ITPR3: variants seen among roughly 807,000 people sequenced by gnomAD.
The protein encoded by ITPR3 is inositol 1,4,5-trisphosphate receptor type 3, also known as inositol 1,4,5-trisphosphate-gated calcium channel ITPR3.
In ITPR3, 173 loss-of-function variants were observed where a neutral mutation model predicts 293.2. That is an observed-to-expected ratio of 0.59 (90% CI 0.52 to 0.67). The LOEUF (loss-of-function observed/expected upper bound fraction) is 0.67, where lower values mean the gene tolerates loss of function less well. ITPR3 is among the 30% of genes least tolerant of loss of function. The pLI is 0.00. For synonymous variants in ITPR3, 1,295 were observed against 1,444.4 expected (o/e 0.90, Z 2.35); for missense variants, 2,796 against 3,592.1 (o/e 0.78, Z 5.66).
In ITPR3 at chr6:33,621,548, T is replaced by C. The variant is rs533261572; in HGVS notation, c.-55T>C. The C allele has an allele frequency of 2.7e-3, 3,674 of 1,367,840 alleles. 9 individuals carry two copies. Among genetic ancestry groups the C allele is most frequent in the Middle Eastern group, 8.5e-3 (48 of 5,630 alleles). The allele number at this position is 1,367,840 out of a possible 1,614,324, so 84.7% of individuals were successfully genotyped here. A position where few individuals can be genotyped will look rare whatever the true frequency, so the allele number is the denominator to read the frequency against. On this transcript the variant is annotated 5_prime_UTR_variant, in exon 1 of 58. Coordinates refer to ENST00000605930, the MANE Select transcript of ITPR3 (RefSeq NM_002224.4). This position sits in a 1 kb window ranked among gnomAD's most constrained non-coding sequence, Gnocchi z 7.7. ...GACGCCTCAGTCCTCCGCACTGAGCTTGGCCACGCGCCCCTAGGCGCCCCC... is the reference window on the plus strand; with the variant it reads ...GACGCCTCAGTCCTCCGCACTGAGCCTGGCCACGCGCCCCTAGGCGCCCCC...
chr6:33,648,520 T>C lies in ITPR3; in HGVS notation c.161-7246T>C, dbSNP rs534332304. Among the ~76,000 whole-genome samples the C allele has an allele frequency of 4.0e-5, 6 of 148,174 alleles. No individual in the cohort carries two copies. The Admixed American group carries it at 4.2e-4, about 10-fold the overall frequency. ...TTCTCTAGGGTCACCTTTATAAACC[T>C]GAGAGTCTCAGTTACCCTTTTTTTT... On this transcript the variant is annotated intron_variant, in intron 2 of 57. Coordinates refer to ENST00000605930, the MANE Select transcript of ITPR3 (RefSeq NM_002224.4).
intron 2 of ITPR3, among the ~76,000 whole-genome samples, chr6:33,644,695 G>A (rs910772650): frequency 3.0e-5 from 4 of 133,762 alleles, no homozygotes; most frequent in East Asian, 2.2e-4. Context: ...ACAGAGTCTC[G>A]CTCTGTTGCC....
At chr6:33,673,007 G>A (rs746352205) in intron 22 of ITPR3, among the ~76,000 whole-genome samples, 2 of 152,174 alleles carry the variant, frequency 1.3e-5, no homozygotes, top group Non-Finnish European at 2.9e-5. Context: ...CGGTCAGAGT[G>A]GAGGGAGCTT....
In ITPR3 at chr6:33,638,796, A is replaced by T. The variant is rs1763881932; in HGVS notation, c.90-1688A>T. ...ACACAGCAAGTCAAGAAGTGGGGAG[A>T]GACACTGCCAGGACCAGGTGCCGGA... On this transcript the variant is annotated intron_variant, in intron 1 of 57. Transcript: ENST00000605930. This position sits in a 1 kb window ranked among gnomAD's most constrained non-coding sequence, Gnocchi z 4.3. 6.6e-6 allele frequency among the ~76,000 whole-genome samples: 1 copy of T among 152,234 alleles called. No homozygotes were observed. The highest frequency in any genetic ancestry group is 2.4e-5 in the African/African-American group (1 of 41,464).
At position 33,670,691 on chromosome 6, in the gene ITPR3, C is replaced by T. The variant is rs373736564; in HGVS notation, c.2462C>T (p.Ala821Val). The change falls in exon 20 of 58, where the codon GCG (alanine) becomes GTG (valine). Residue 821 changes from alanine (A) to valine (V), a missense_variant. Physicochemically the swap from Ala to Val is moderately conservative, Grantham distance 64. Transcript: ENST00000605930. This position sits in a 1 kb window ranked among gnomAD's most constrained non-coding sequence, Gnocchi z 6.7. The part of the protein sequence containing the change: ...TIKDYDSNLN[A>V]SRDDKKNKFA... ...CTCAGCTATGATTCCAACCTCAACG[C>T]GTCCCGAGATGACAAGAAGAACAAG... The T allele has an allele frequency of 6.8e-6, 11 of 1,614,008 alleles. No individual in the cohort carries two copies. The highest frequency in any genetic ancestry group is 1.3e-5 in the African/African-American group (1 of 74,898).
At chr6:33,668,112 T>C in intron 16 of ITPR3, 148 bp downstream of exon 16, 1 of 886,710 alleles carries the variant, frequency 1.1e-6, no homozygotes, top group Non-Finnish European at 1.7e-6. Flanking sequence ...TGGGAGGCCC[T>C]AGCCTCCCTA....
At position 33,687,415 on chromosome 6, in the gene ITPR3, GC is replaced by G. The variant is rs968325265; in HGVS notation, c.6178-57del. 2 of 1,519,618 alleles carry G rather than the reference GC, an allele frequency of 1.3e-6. No individual in the cohort carries two copies. Among genetic ancestry groups the G allele is most frequent in the Admixed American group, 1.9e-5 (1 of 53,126 alleles). The allele number at this position is 1,519,618 out of a possible 1,614,324, so 94.1% of individuals were successfully genotyped here. On this transcript the variant is annotated intron_variant, in intron 45 of 57. Coordinates refer to ENST00000605930, the MANE Select transcript of ITPR3 (RefSeq NM_002224.4). The surrounding 1 kb of genome is among the most constrained non-coding windows in gnomAD (Gnocchi z 5.3). ...CCATCATCCCCCAGTCGCCATTGTC[GC>G]CCCCCAGCCACCATGTCCCCCAGCC... is the stretch of plus-strand genomic sequence containing the variant.
rs964271665 is a variant in ITPR3 at position 33,670,979 on chromosome 6, G to A, written c.2586+164G>A. 1 of 787,318 alleles carries A rather than the reference G, an allele frequency of 1.3e-6. No homozygotes were observed. The highest frequency in any genetic ancestry group is 1.9e-5 in the African/African-American group (1 of 53,306). 48.8% of individuals were successfully genotyped at this position (787,318 alleles called of 1,614,324 possible). ...CGCATAGAAGGCTGGGATTCTCCAA[G>A]AGGCAGGCTCCTGTTCCAATGCCTG... is the stretch of plus-strand genomic sequence containing the variant. On this transcript the variant is annotated intron_variant, in intron 20 of 57. Coordinates refer to ENST00000605930, the MANE Select transcript of ITPR3 (RefSeq NM_002224.4). This position sits in a 1 kb window ranked among gnomAD's most constrained non-coding sequence, Gnocchi z 6.7.
At position 33,692,659 on chromosome 6, in the gene ITPR3, C is replaced by G. The variant is rs537711898; in HGVS notation, c.7459-69C>G. The G allele has an allele frequency of 6.6e-6, 10 of 1,512,336 alleles. No individual in the cohort carries two copies. Among genetic ancestry groups the G allele is most frequent in the Middle Eastern group, 1.9e-4 (1 of 5,190 alleles). The allele number at this position is 1,512,336 out of a possible 1,614,324, so 93.7% of individuals were successfully genotyped here. A position where few individuals can be genotyped will look rare whatever the true frequency, so the allele number is the denominator to read the frequency against. On this transcript the variant is annotated intron_variant, in intron 54 of 57. Coordinates refer to ENST00000605930, the MANE Select transcript of ITPR3 (RefSeq NM_002224.4). This position sits in a 1 kb window ranked among gnomAD's most constrained non-coding sequence, Gnocchi z 4.2. ...TCAATATCACAGCCCTGGCCCCAAC[C>G]TGAGTCCTATCTTGCCCCAGTGAAT...
Position 33,687,683 on chromosome 6 carries a change from T to A in ITPR3, c.6264+119T>A. ...CTAGAATATGAGCCAGGCTAGAATT[T>A]GGGGGTACAGCTCAGGGGGCTGATT... is the stretch of plus-strand genomic sequence containing the variant. On this transcript the variant is annotated intron_variant, in intron 46 of 57. Coordinates refer to ENST00000605930, the MANE Select transcript of ITPR3 (RefSeq NM_002224.4). This position sits in a 1 kb window ranked among gnomAD's most constrained non-coding sequence, Gnocchi z 5.3. The A allele has an allele frequency of 3.7e-6, 3 of 820,086 alleles. No individual in the cohort carries two copies. The highest frequency in any genetic ancestry group is 5.9e-6 in the Non-Finnish European group (3 of 510,274). The allele number at this position is 820,086 out of a possible 1,614,324, so 50.8% of individuals were successfully genotyped here. A position where few individuals can be genotyped will look rare whatever the true frequency, so the allele number is the denominator to read the frequency against.
At chr6:33,631,447 A>C (rs917395642) in intron 1 of ITPR3, among the ~76,000 whole-genome samples, 5 of 152,228 alleles carry the variant, frequency 3.3e-5, no homozygotes, top group Non-Finnish European at 7.3e-5. Flanking sequence ...AGGTAGCCGA[A>C]GCAGAGAGGG....
Position 33,664,412 on chromosome 6 carries a change from T to C in ITPR3, c.1149-458T>C, listed in dbSNP as rs1261329351. Reference sequence around the variant, plus strand: ...GCCCACAGTCCCTTCCCTGAAACTCTTGGGGGTAGATGGATTTGGTATTCA... The same window carrying C: ...GCCCACAGTCCCTTCCCTGAAACTCCTGGGGGTAGATGGATTTGGTATTCA... On this transcript the variant is annotated intron_variant, in intron 11 of 57. Transcript: ENST00000605930. The surrounding 1 kb of genome is among the most constrained non-coding windows in gnomAD (Gnocchi z 4.4). Among the ~76,000 whole-genome samples the C allele has an allele frequency of 6.6e-6, 1 of 152,194 alleles. No homozygotes were observed.
intron 22 of ITPR3, 74 bp from the exon 23 acceptor site, chr6:33,673,517 T>A: frequency 7.6e-6 from 12 of 1,573,560 alleles, no homozygotes; most frequent in Non-Finnish European, 1.0e-5. Context: ...CTGCCCCCCA[T>A]AAAGTAGGAA....
At chr6:33,652,164 C>T (rs989526342) in intron 2 of ITPR3, among the ~76,000 whole-genome samples, 9 of 152,182 alleles carry the variant, frequency 5.9e-5, no homozygotes, top group Admixed American at 1.3e-4. Context: ...GAACCTCTGT[C>T]CTGTTTCTAG....
Position 33,672,068 on chromosome 6 carries a change from T to A in ITPR3, c.2768T>A (p.Met923Lys). 1 of 1,612,842 alleles carries A rather than the reference T, an allele frequency of 6.2e-7. No homozygotes were observed. Among genetic ancestry groups the A allele is most frequent in the East Asian group, 2.2e-5 (1 of 44,832 alleles). The change falls in exon 22 of 58, where the codon ATG becomes AAG. Residue 923 changes from methionine (M) to lysine (K), a missense_variant. By Grantham distance (95) the Met-to-Lys change is moderately conservative (BLOSUM62 -1). Around this residue, in one of 8 missense-constraint regions of ITPR3, gnomAD observed 955 missense variants for 1,180.8 expected, o/e 0.81. Transcript: ENST00000605930. This position sits in a 1 kb window ranked among gnomAD's most constrained non-coding sequence, Gnocchi z 5.0. ...CGGTCCATCCAGGGCGTGGGGCACA[T>A]GATGTCCACCATGGTGCTGAGCCGC... is the stretch of plus-strand genomic sequence containing the variant. ...VRRSIQGVGH[M>K]MSTMVLSRKQ...
intron 1 of ITPR3, among the ~76,000 whole-genome samples, chr6:33,628,128 G>A (rs962956875): frequency 1.3e-5 from 2 of 152,228 alleles, no homozygotes; most frequent in Non-Finnish European, 2.9e-5. Flanking sequence ...GGCCACACCA[G>A]CTTTCTGTTT....
At position 33,681,885 on chromosome 6, in the gene ITPR3, TG is replaced by T. The variant is rs929341442; in HGVS notation, c.4477-638del. ...GGGGGAGAGACTTCTCAAAGTGTTA[TG>T]TTTTTTTTTTTTGAGACGGAGTCTC... On this transcript the variant is annotated intron_variant, in intron 33 of 57. Coordinates refer to ENST00000605930, the MANE Select transcript of ITPR3 (RefSeq NM_002224.4). Among the ~76,000 whole-genome samples the T allele has an allele frequency of 4.2e-4, 64 of 151,848 alleles. 1 individual carries two copies. The highest frequency in any genetic ancestry group is 1.5e-3 in the African/African-American group (61 of 41,386).
rs1281913792 is a variant in ITPR3 at position 33,655,718 on chromosome 6, G to A, written c.161-48G>A. On this transcript the variant is annotated intron_variant, in intron 2 of 57. Coordinates refer to ENST00000605930, the MANE Select transcript of ITPR3 (RefSeq NM_002224.4). The surrounding 1 kb of genome is among the most constrained non-coding windows in gnomAD (Gnocchi z 4.9). ...TGGGGTTTTCTCCAGGGAGGGCCCT[G>A]AGCCCCAGATGAATCATTCCCCTCA... 1 of 1,611,960 alleles carries A rather than the reference G, an allele frequency of 6.2e-7. No individual in the cohort carries two copies. Among genetic ancestry groups the A allele is most frequent in the African/African-American group, 1.3e-5 (1 of 74,972 alleles).
chr6:33,640,443 G>C (rs1221671551), intron 1 of ITPR3, 41 bp from the exon 2 acceptor site: 1 of 1,584,926 alleles, frequency 6.3e-7, no homozygotes, highest in East Asian at 2.3e-5. Context: ...GTGGGAGATA[G>C]GTCTCTTCTC....
Sources: gnomAD v4.1 joint callset for allele counts (sites outside exome capture counted in the v4.1 genomes callset) on GRCh38, gnomAD v4.1.1 for gene constraint, gnomAD v4.1.1 regional missense constraint, Gnocchi (gnomAD v3.1) non-coding constraint, MANE v1.5 for transcripts, NCBI Gene and HGNC (gene_info 2026-07-23, HGNC 2026-07-21) for gene names.